CDS1: variants seen among roughly 807,000 people sequenced by gnomAD.
The protein encoded by CDS1 is CDP-diacylglycerol synthase 1, also known as phosphatidate cytidylyltransferase 1.
CDS1 carries 41 observed loss-of-function variants against 62.1 expected under a neutral mutation model. The observed-to-expected ratio is 0.66, with a 90% confidence interval of 0.51 to 0.86. The LOEUF is 0.86. Ranked by LOEUF, CDS1 falls within the 40% of genes least tolerant of loss-of-function variation. The pLI is 0.00. For missense variants in CDS1, 470 were observed against 550.1 expected, an observed-to-expected ratio of 0.85 and a Z score of 1.46; for synonymous variants, 185 against 192.6, an observed-to-expected ratio of 0.96 and a Z score of 0.32.
chr4:84,615,927 T>G (rs1723480117), intron 3 of CDS1, among the ~76,000 whole-genome samples: 1 of 152,228 alleles, frequency 6.6e-6, no homozygotes, highest in Admixed American at 6.5e-5. Context: ...TGTTTTCTGT[T>G]TTCCTAGAAG....
intron 3 of CDS1, among the ~76,000 whole-genome samples, chr4:84,615,407 G>T (rs1285641051): frequency 1.3e-5 from 2 of 152,022 alleles, no homozygotes; most frequent in Non-Finnish European, 2.9e-5. Flanking sequence ...ACTCCTCGGT[G>T]CACTGCTTCC....
At chr4:84,624,642 T>C (rs576816866) in intron 5 of CDS1, among the ~76,000 whole-genome samples, 1 of 152,320 alleles carries the variant, frequency 6.6e-6, no homozygotes, top group South Asian at 2.1e-4. Flanking sequence ...AGGTAGAATG[T>C]CAGCATATAA....
intron 2 of CDS1, among the ~76,000 whole-genome samples, chr4:84,608,421 A>C (rs973253220): frequency 2.0e-5 from 3 of 152,020 alleles, no homozygotes; most frequent in Admixed American, 6.5e-5. Context: ...TGATCTGCCC[A>C]CCTCGGCCTC....
At chr4:84,606,167 T>C (rs961158728) in intron 2 of CDS1, among the ~76,000 whole-genome samples, 5 of 152,142 alleles carry the variant, frequency 3.3e-5, no homozygotes, top group Admixed American at 2.6e-4. Context: ...TTAGAATTTG[T>C]AGATACATAG....
intron 5 of CDS1, among the ~76,000 whole-genome samples, chr4:84,628,617 C>G (rs1352928489): frequency 6.6e-6 from 1 of 152,146 alleles, no homozygotes; most frequent in African/African-American, 2.4e-5. Context: ...ACTGCAGCCT[C>G]AAACTCCTGG....
intron 1 of CDS1, among the ~76,000 whole-genome samples, chr4:84,589,979 T>TTG: frequency 2.0e-5 from 3 of 152,158 alleles, no homozygotes; most frequent in Admixed American, 2.0e-4. Context: ...CCTGGCTAAT[T>TTG]TTTTTGTATT....
intron 5 of CDS1, among the ~76,000 whole-genome samples, chr4:84,629,538 A>T (rs1038477585): frequency 1.3e-5 from 2 of 152,220 alleles, no homozygotes; most frequent in Non-Finnish European, 2.9e-5. Flanking sequence ...TAAGTAGGTT[A>T]TATGCAAATA....
At chr4:84,586,712 AG>A (rs1722435006) in intron 1 of CDS1, among the ~76,000 whole-genome samples, 1 of 152,226 alleles carries the variant, frequency 6.6e-6, no homozygotes, top group Non-Finnish European at 1.5e-5. Context: ...CATCATCAGT[AG>A]TACTTAGGAA....
chr4:84,643,688 A>T (rs181681350), intron 11 of CDS1, among the ~76,000 whole-genome samples: 2 of 152,362 alleles, frequency 1.3e-5, no homozygotes, highest in Non-Finnish European at 2.9e-5. Context: ...ATGAATGGGC[A>T]TGGCTGGATT....
chr4:84,595,966 G>A (rs1722734997), intron 1 of CDS1, among the ~76,000 whole-genome samples: 1 of 152,162 alleles, frequency 6.6e-6, no homozygotes, highest in South Asian at 2.1e-4. Context: ...GTCTTAAAAT[G>A]GGCCTTAAAA....
At chr4:84,624,442 T>G (rs1723794672) in intron 5 of CDS1, among the ~76,000 whole-genome samples, 1 of 151,958 alleles carries the variant, frequency 6.6e-6, no homozygotes, top group Admixed American at 6.6e-5. Flanking sequence ...CCAGAAATTG[T>G]CTGAGTATTC....
chr4:84,632,008 T>C, intron 6 of CDS1, 131 bp downstream of exon 6: 1 of 580,872 alleles, frequency 1.7e-6, no homozygotes, highest in Non-Finnish European at 3.1e-6. Flanking sequence ...TACTTGGATT[T>C]CAGATGACCA....
intron 3 of CDS1, among the ~76,000 whole-genome samples, chr4:84,616,469 CAG>C (rs1723497696): frequency 6.6e-6 from 1 of 152,198 alleles, no homozygotes; most frequent in African/African-American, 2.4e-5. Context: ...TATCCTCTGA[CAG>C]AGTTTGGTAA....
chr4:84,645,394 A>G (rs1724527323), intron 12 of CDS1, 69 bp downstream of exon 12: 1 of 969,412 alleles, frequency 1.0e-6, no homozygotes, highest in Middle Eastern at 2.5e-4. Context: ...CATTAGTTTG[A>G]GTAAGTTAAC....
In CDS1 at chr4:84,650,873, A is replaced by G. The variant is rs921972581; in HGVS notation, c.*2187A>G. ...ATATATTTTAGCAAAAGATTGCCATAAAACCCTGACTTGGCTCATTTTGAT... is the reference window on the plus strand; with the variant it reads ...ATATATTTTAGCAAAAGATTGCCATGAAACCCTGACTTGGCTCATTTTGAT... On this transcript the variant is annotated 3_prime_UTR_variant, in exon 13 of 13. Transcript: ENST00000295887. 1 of 152,230 alleles carries G rather than the reference A, an allele frequency of 6.6e-6. No homozygotes were observed. Among genetic ancestry groups the G allele is most frequent in the African/African-American group, 2.4e-5 (1 of 41,460 alleles). The allele number at this position is 152,230 out of a possible 1,614,324, so 9.4% of individuals were successfully genotyped here. A position where few individuals can be genotyped will look rare whatever the true frequency, so the allele number is the denominator to read the frequency against.
chr4:84,614,115 C>A (rs1723414931), intron 3 of CDS1, among the ~76,000 whole-genome samples: 1 of 151,970 alleles, frequency 6.6e-6, no homozygotes, highest in Non-Finnish European at 1.5e-5. Context: ...CTAAATATCA[C>A]ATCAAAAATT....
intron 8 of CDS1, 106 bp from the exon 9 acceptor site, chr4:84,638,818 A>C: frequency 6.6e-6 from 2 of 301,282 alleles, no homozygotes; most frequent in Non-Finnish European, 1.2e-5. Context: ...AAAAGTAAGG[A>C]GAGATGTACA....
intron 8 of CDS1, 31 bp downstream of exon 8, chr4:84,635,382 A>G (rs777776191): frequency 2.1e-5 from 21 of 1,022,544 alleles, no homozygotes; most frequent in Non-Finnish European, 3.2e-5. Flanking sequence ...GCAAGCCACT[A>G]TGTAACCTTA....
chr4:84,622,729 C>A (rs1289989736), intron 5 of CDS1, among the ~76,000 whole-genome samples: 14 of 152,204 alleles, frequency 9.2e-5, no homozygotes. Flanking sequence ...CTGCACCCCA[C>A]CGCTTTGAGA....
Sources: allele counts gnomAD v4.1 joint callset (sites outside exome capture counted in the v4.1 genomes callset), GRCh38; gene constraint gnomAD v4.1.1; transcripts MANE v1.5; gene names NCBI Gene and HGNC (gene_info 2026-07-23, HGNC 2026-07-21).